AOAH: variants seen among roughly 807,000 people sequenced by gnomAD.
AOAH encodes acyloxyacyl hydrolase.
AOAH carries 64 observed loss-of-function variants against 92.2 expected under a neutral mutation model. The ratio of observed to expected loss-of-function variants is 0.69; its 90% CI spans 0.57 to 0.86. The LOEUF is 0.86. Among genes scored for constraint, AOAH ranks in the 40% least tolerant of loss-of-function variants. AOAH has a pLI of 0.00. For synonymous variants in AOAH, 263 were observed against 254.5 expected, an observed-to-expected ratio of 1.03 and a Z score of -0.32; for missense variants, 656 against 694.6, an observed-to-expected ratio of 0.94 and a Z score of 0.62.
At chr7:36,519,930 A>G (rs970219267) in intron 20 of AOAH, among the ~76,000 whole-genome samples, 2 of 152,222 alleles carry the variant, frequency 1.3e-5, no homozygotes, top group Non-Finnish European at 2.9e-5. Flanking sequence ...GACACTGGGT[A>G]GTCACTCAAT....
chr7:36,564,853 CAGTA>C (rs1787572470), intron 13 of AOAH, among the ~76,000 whole-genome samples: 2 of 152,228 alleles, frequency 1.3e-5, no homozygotes, highest in Non-Finnish European at 2.9e-5. Flanking sequence ...TTGCATGAAA[CAGTA>C]AGCCAGGAAG....
chr7:36,575,517 C>T (rs886150109), intron 13 of AOAH, among the ~76,000 whole-genome samples: 2 of 152,160 alleles, frequency 1.3e-5, no homozygotes, highest in Non-Finnish European at 1.5e-5. Context: ...CCTCAACACT[C>T]CCTAGAGCTA....
chr7:36,551,531 C>G (rs1171907803), intron 13 of AOAH, among the ~76,000 whole-genome samples: 1 of 152,218 alleles, frequency 6.6e-6, no homozygotes, highest in Non-Finnish European at 1.5e-5. Context: ...TAACTCCTCC[C>G]TCCAGTCCCT....
chr7:36,643,882 TTC>T (rs1318775912), intron 4 of AOAH, among the ~76,000 whole-genome samples: 1 of 152,180 alleles, frequency 6.6e-6, no homozygotes, highest in Non-Finnish European at 1.5e-5. Context: ...CCCCTTTGCC[TTC>T]TGCCATGATT....
chr7:36,590,024 A>G (rs1789632572), intron 12 of AOAH, among the ~76,000 whole-genome samples: 1 of 152,026 alleles, frequency 6.6e-6, no homozygotes, highest in Non-Finnish European at 1.5e-5. Flanking sequence ...GCTCACAGCA[A>G]TCTCAGCAAT....
At chr7:36,608,920 G>GT (rs1791213870) in intron 11 of AOAH, among the ~76,000 whole-genome samples, 2 of 123,052 alleles carry the variant, frequency 1.6e-5, no homozygotes, top group African/African-American at 3.0e-5. Flanking sequence ...AGGGGGGGGG[G>GT]TCTGGTACAA....
intron 1 of AOAH, among the ~76,000 whole-genome samples, chr7:36,718,964 T>G (rs947248258): frequency 6.6e-6 from 1 of 152,206 alleles, no homozygotes; most frequent in African/African-American, 2.4e-5. Flanking sequence ...AAGCTGTTAT[T>G]TAAAACAATA....
At chr7:36,544,949 G>C (rs1280382377) in intron 15 of AOAH, among the ~76,000 whole-genome samples, 2 of 152,288 alleles carry the variant, frequency 1.3e-5, no homozygotes, top group East Asian at 3.9e-4. Context: ...GCTAGCATTT[G>C]TGTTTTTGAA....
intron 1 of AOAH, among the ~76,000 whole-genome samples, chr7:36,722,935 GAAAAAAAAAAAAA>G (rs11407908): frequency 2.8e-4 from 14 of 49,504 alleles, no homozygotes; most frequent in South Asian, 1.2e-3. Flanking sequence ...ATCCATCTCA[GAAAAAAAAAAAAA>G]AAAAAAAAAA....
intron 19 of AOAH, among the ~76,000 whole-genome samples, chr7:36,524,288 G>A (rs1032827235): frequency 4.6e-5 from 7 of 151,962 alleles, no homozygotes; most frequent in Middle Eastern, 3.2e-3. Context: ...ACCCTAATCC[G>A]CAGTATGATG....
intron 12 of AOAH, among the ~76,000 whole-genome samples, chr7:36,579,261 T>TCCAGC (rs561013959): frequency 0.01 from 1,562 of 152,016 alleles, 12 homozygotes; most frequent in Non-Finnish European, 0.017. Context: ...TCTTGGATTC[T>TCCAGC]CCAGCCCAGC....
intron 11 of AOAH, among the ~76,000 whole-genome samples, chr7:36,607,061 C>A (rs1195789834): frequency 6.6e-6 from 1 of 152,134 alleles, no homozygotes; most frequent in Non-Finnish European, 1.5e-5. Flanking sequence ...TAGCTGTAAA[C>A]AGGACTCCCG....
intron 19 of AOAH, among the ~76,000 whole-genome samples, chr7:36,524,892 C>T (rs1010316235): frequency 6.6e-6 from 1 of 152,024 alleles, no homozygotes; most frequent in Non-Finnish European, 1.5e-5. Flanking sequence ...TGTTTATAAG[C>T]CACCCAGTTC....
At chr7:36,638,981 G>A (rs1584005287) in intron 4 of AOAH, among the ~76,000 whole-genome samples, 1 of 152,158 alleles carries the variant, frequency 6.6e-6, no homozygotes, top group African/African-American at 2.4e-5. Context: ...CTTGTGATCC[G>A]TCAACTATGG....
At chr7:36,641,587 C>T (rs1038188380) in intron 4 of AOAH, among the ~76,000 whole-genome samples, 2 of 152,182 alleles carry the variant, frequency 1.3e-5, no homozygotes, top group Admixed American at 1.3e-4. Context: ...TTTGAAAGCT[C>T]GCTACAAGGG....
At chr7:36,620,880 G>T (rs759948585) in intron 8 of AOAH, 51 bp from the exon 9 acceptor site, 4 of 1,541,870 alleles carry the variant, frequency 2.6e-6, no homozygotes, top group Non-Finnish European at 3.6e-6. Flanking sequence ...GTCTCTCAGT[G>T]GATGTCAGTT....
chr7:36,657,817 C>G (rs1794980429), intron 4 of AOAH, among the ~76,000 whole-genome samples: 4 of 152,092 alleles, frequency 2.6e-5, no homozygotes, highest in Admixed American at 2.0e-4. Context: ...GAAGTAAACT[C>G]TAGAGAGTAT....
At position 36,622,425 on chromosome 7, in the gene AOAH, G is replaced by C. The variant is rs563748450; in HGVS notation, c.583-645C>G. Among the ~76,000 whole-genome samples the C allele has an allele frequency of 2.8e-4, 42 of 152,278 alleles. No homozygotes were observed. In the East Asian group the frequency reaches 6.8e-3, roughly 24 times the overall value. Reference sequence around the variant, plus strand: ...GATGTGAATCAAGAGTTATAATAATGCCAGATAATATTTTTATTTCCTCCA... The same window carrying C: ...GATGTGAATCAAGAGTTATAATAATCCCAGATAATATTTTTATTTCCTCCA... On this transcript the variant is annotated intron_variant, in intron 7 of 20. Coordinates refer to ENST00000617537, the MANE Select transcript of AOAH (RefSeq NM_001637.4).
In AOAH at chr7:36,532,134, G is replaced by T; in HGVS notation, c.1425+13C>A. ...GATCAAAGATGGTATCAAAAGGCCTGTGACAGTCATACCTCTGAAGTGAGA... is the reference window on the plus strand; with the variant it reads ...GATCAAAGATGGTATCAAAAGGCCTTTGACAGTCATACCTCTGAAGTGAGA... On this transcript the variant is annotated intron_variant, in intron 18 of 20. Coordinates refer to ENST00000617537, the MANE Select transcript of AOAH (RefSeq NM_001637.4). 6.2e-7 allele frequency: 1 copy of T among 1,614,058 alleles called. No individual in the cohort carries two copies. Among genetic ancestry groups the T allele is most frequent in the Non-Finnish European group, 8.5e-7 (1 of 1,179,894 alleles).
Sources: allele counts gnomAD v4.1 joint callset (sites outside exome capture counted in the v4.1 genomes callset), GRCh38; gene constraint gnomAD v4.1.1; transcripts MANE v1.5; gene names NCBI Gene and HGNC (gene_info 2026-07-23, HGNC 2026-07-21).